Variants in HDLBP observed in about 807,000 individuals in gnomAD.
HDLBP encodes vigilin.
In HDLBP, 30 loss-of-function variants were observed where a neutral mutation model predicts 137.3. The observed-to-expected ratio is 0.22, with a 90% CI of 0.16 to 0.30. The LOEUF (loss-of-function observed/expected upper bound fraction) is 0.30. Among genes scored for constraint, HDLBP ranks in the 10% least tolerant of loss-of-function variants. The probability of loss-of-function intolerance (pLI) is 1.00; values close to 1 mark genes in which losing one functional copy is unlikely to be tolerated. For synonymous variants in HDLBP, 606 were observed against 596.0 expected, an observed-to-expected ratio of 1.02 and a Z score of -0.24; for missense variants, 1,119 against 1,667.3, an observed-to-expected ratio of 0.67 and a Z score of 5.73.
chr2:241,236,911 C>T, intron 20 of HDLBP, 142 bp from the exon 21 acceptor site: 1 of 667,342 alleles, frequency 1.5e-6, no homozygotes. Flanking sequence ...TTCAGGAGGT[C>T]TTGGTCTGGT....
At chr2:241,234,646 G>C (rs1006484575) in intron 23 of HDLBP, among the ~76,000 whole-genome samples, 3 of 152,204 alleles carry the variant, frequency 2.0e-5, no homozygotes, top group Non-Finnish European at 2.9e-5. Flanking sequence ...CAGAGGCTGG[G>C]CGTCTGCAGC....
At chr2:241,247,892 T>G in intron 14 of HDLBP, 111 bp downstream of exon 14, 1 of 728,448 alleles carries the variant, frequency 1.4e-6, no homozygotes, top group East Asian at 2.5e-5. Context: ...GCCCAGGGCC[T>G]ATGTGCTTTC....
intron 5 of HDLBP, among the ~76,000 whole-genome samples, chr2:241,257,181 TAAC>T (rs1287335525): frequency 6.6e-5 from 10 of 152,358 alleles, no homozygotes; most frequent in Middle Eastern, 3.4e-3. Flanking sequence ...ATCAAGAAGT[TAAC>T]AACATTAACT....
chr2:241,302,222 T>C (rs2075421167), intron 1 of HDLBP, among the ~76,000 whole-genome samples: 2 of 152,210 alleles, frequency 1.3e-5, no homozygotes, highest in South Asian at 4.1e-4. Context: ...AGTGTCACTG[T>C]ACTCCAACTA....
At chr2:241,244,268 G>A (rs1281001474) in intron 16 of HDLBP, among the ~76,000 whole-genome samples, 1 of 152,166 alleles carries the variant, frequency 6.6e-6, no homozygotes, top group Non-Finnish European at 1.5e-5. Flanking sequence ...CGGGGAGACA[G>A]CAAGGGGCTA....
At chr2:241,310,177 A>T (rs2075718398) in intron 1 of HDLBP, among the ~76,000 whole-genome samples, 1 of 152,228 alleles carries the variant, frequency 6.6e-6, no homozygotes, top group Admixed American at 6.5e-5. Flanking sequence ...TGAAACAAAA[A>T]ATAGGTTATA....
At chr2:241,262,057 T>A (rs1486537347) in intron 5 of HDLBP, among the ~76,000 whole-genome samples, 1 of 152,238 alleles carries the variant, frequency 6.6e-6, no homozygotes, top group Non-Finnish European at 1.5e-5. Context: ...TAGGGAGAAA[T>A]GCATCAGAGA....
Position 241,229,625 on chromosome 2 carries a change from G to A in HDLBP, c.3783C>T (p.Thr1261=), listed in dbSNP as rs766752811. 3 of 1,613,778 alleles carry A rather than the reference G, an allele frequency of 1.9e-6. No homozygotes were observed. The Admixed American group carries it at 5.0e-5, about 27-fold the overall frequency. The change falls in exon 28 of 28, where the codon ACC becomes ACT. Residue 1261 remains threonine, a synonymous_variant. Coordinates refer to ENST00000310931, the MANE Select transcript of HDLBP (RefSeq NM_005336.6). ...PSFGAQVAPK[T]LPWGPKR Reference sequence around the variant, plus strand: ...ATTATCGTTTGGGGCCCCAAGGGAGGGTCTTGGGAGCCACCTGAGCCCCAA... The same window carrying A: ...ATTATCGTTTGGGGCCCCAAGGGAGAGTCTTGGGAGCCACCTGAGCCCCAA...
At chr2:241,301,917 C>T (rs931011364) in intron 1 of HDLBP, among the ~76,000 whole-genome samples, 1 of 151,890 alleles carries the variant, frequency 6.6e-6, no homozygotes, top group Admixed American at 6.6e-5. Flanking sequence ...TGTTTCAAAA[C>T]CTCAATTTCA....
At chr2:241,280,914 A>G (rs2074571179) in intron 1 of HDLBP, among the ~76,000 whole-genome samples, 1 of 152,252 alleles carries the variant, frequency 6.6e-6, no homozygotes, top group Admixed American at 6.5e-5. Context: ...ACTTTCCACT[A>G]AATTAATACA....
At chr2:241,252,703 T>A (rs78221047) in intron 11 of HDLBP, among the ~76,000 whole-genome samples, 4,016 of 152,310 alleles carry the variant, frequency 0.026, 410 homozygotes, top group Admixed American at 0.18. Context: ...GTGGGTTATT[T>A]GGGGAGGGCT....
At chr2:241,273,593 G>A in intron 1 of HDLBP, 1 of 985,312 alleles carries the variant, frequency 1.0e-6, no homozygotes, top group South Asian at 4.7e-5. Context: ...AGGGTATAAA[G>A]GGAGTCGAGC....
intron 1 of HDLBP, among the ~76,000 whole-genome samples, chr2:241,291,301 G>C (rs776662459): frequency 6.6e-4 from 100 of 152,122 alleles, no homozygotes; most frequent in Non-Finnish European, 1.2e-3. Flanking sequence ...CTGACTCTAG[G>C]TCTAAGCAGA....
intron 1 of HDLBP, among the ~76,000 whole-genome samples, chr2:241,299,939 C>G (rs1250735140): frequency 6.6e-6 from 1 of 151,996 alleles, no homozygotes; most frequent in Non-Finnish European, 1.5e-5. Flanking sequence ...CAAATTTTGA[C>G]TATATCTGTT....
At chr2:241,255,193 A>G (rs1365210285) in intron 8 of HDLBP, 35 bp from the exon 9 acceptor site, 3 of 1,592,488 alleles carry the variant, frequency 1.9e-6, no homozygotes, top group African/African-American at 2.7e-5. Context: ...GGGTTTGCAG[A>G]GCTCAAGGTC....
Position 241,248,228 on chromosome 2 carries a change from C to G in HDLBP, c.1617+16G>C. On this transcript the variant is annotated intron_variant, in intron 13 of 27. Transcript: ENST00000310931. ...TCACTCCTATAGAGTTACAGAATGT[C>G]TCTGGGAAACTTTACCTCTGGGAAT... 6.2e-7 allele frequency: 1 copy of G among 1,600,852 alleles called. No individual in the cohort carries two copies. Among genetic ancestry groups the G allele is most frequent in the Non-Finnish European group, 8.6e-7 (1 of 1,167,874 alleles).
intron 1 of HDLBP, among the ~76,000 whole-genome samples, chr2:241,295,685 G>A (rs890584908): frequency 2.6e-5 from 4 of 152,148 alleles, no homozygotes; most frequent in African/African-American, 4.8e-5. Context: ...CTTGGAAAAG[G>A]GGTCTTTTCA....
intron 16 of HDLBP, chr2:241,246,527 G>A (rs930459738): frequency 2.1e-6 from 1 of 478,328 alleles, no homozygotes; most frequent in Admixed American, 3.8e-5. Context: ...TAAGACAAGT[G>A]CCCACGTCAA....
intron 23 of HDLBP, among the ~76,000 whole-genome samples, chr2:241,234,425 G>T (rs909403597): frequency 1.3e-5 from 2 of 152,206 alleles, no homozygotes; most frequent in Admixed American, 1.3e-4. Flanking sequence ...CTGGCTGCAG[G>T]AGACAACCCA....
Sources: gnomAD v4.1 joint callset for allele counts (sites outside exome capture counted in the v4.1 genomes callset) on GRCh38, gnomAD v4.1.1 for gene constraint, MANE v1.5 for transcripts, NCBI Gene and HGNC (gene_info 2026-07-23, HGNC 2026-07-21) for gene names.